The following WWOX variants were observed in gnomAD, a reference collection of about 807,000 sequenced individuals.
WWOX encodes the protein WW domain containing oxidoreductase, also known as WW domain-containing oxidoreductase.
A neutral mutation model predicts 46.2 loss-of-function variants in WWOX; 69 were observed. The observed-to-expected ratio is 1.49, with a 90% CI of 1.23 to 1.82. The LOEUF is 1.82. Among genes scored for constraint, WWOX ranks in the 40% most tolerant of loss-of-function variants. The pLI, the probability that WWOX is intolerant of heterozygous loss-of-function variation, is 0.00. For synonymous variants in WWOX, 359 were observed against 202.6 expected, an observed-to-expected ratio of 1.77 and a Z score of -6.56; for missense variants, 919 against 542.6, an observed-to-expected ratio of 1.69 and a Z score of -6.89.
In WWOX at chr16:79,129,043, C is replaced by G. The variant is rs549414574; in HGVS notation, c.1057-82565C>G. 5.0e-4 allele frequency among the ~76,000 whole-genome samples: 76 copies of G among 152,316 alleles called. 1 individual carries two copies. The highest frequency in any genetic ancestry group is 9.7e-4 in the Non-Finnish European group (66 of 68,018). On this transcript the variant is annotated intron_variant, in intron 8 of 8. Transcript: ENST00000566780. The stretch of plus-strand genomic sequence containing the variant: ...CAACAGTCCAAGTTCATTGTCCTGA[C>G]ACAGAACTCTGTTTCTTCTTTTATG...
chr16:78,877,515 A>G (rs987879057), intron 8 of WWOX, among the ~76,000 whole-genome samples: 1 of 152,030 alleles, frequency 6.6e-6, no homozygotes, highest in African/African-American at 2.4e-5. Context: ...TCACTATAAA[A>G]TGGCAGCCTG....
At chr16:79,034,656 T>A (rs1396576005) in intron 8 of WWOX, among the ~76,000 whole-genome samples, 2 of 152,188 alleles carry the variant, frequency 1.3e-5, no homozygotes, top group Non-Finnish European at 2.9e-5. Context: ...ACATCTTGAA[T>A]GCTTCTGTGT....
intron 8 of WWOX, among the ~76,000 whole-genome samples, chr16:78,435,007 A>T (rs540616326): frequency 4.1e-4 from 63 of 152,348 alleles, no homozygotes; most frequent in Admixed American, 2.6e-3. Context: ...TGCTTAATAA[A>T]GTCAGACTTG....
chr16:78,199,311 T>TCAAACAAA (rs35182566), intron 5 of WWOX, among the ~76,000 whole-genome samples: 20 of 150,674 alleles, frequency 1.3e-4, no homozygotes, highest in South Asian at 8.5e-4. Flanking sequence ...AGACTCCATC[T>TCAAACAAA]CAAACAAACA....
rs1428287142 is a variant in WWOX at position 78,524,428 on chromosome 16, ATTTG to A, written c.1056+91685_1056+91688del. Among the ~76,000 whole-genome samples, 987 of 148,174 alleles carry A rather than the reference ATTTG, an allele frequency of 6.7e-3. 16 individuals carry two copies. The highest frequency in any genetic ancestry group is 0.024 in the African/African-American group (952 of 39,490). On this transcript the variant is annotated intron_variant, in intron 8 of 8. Transcript: ENST00000566780. ...TATTTGTTTATTTATTTATTTATTTATTTGTTTGTTTGAGATGAGTCTTGCTCTT... is the reference window on the plus strand; with the variant it reads ...TATTTGTTTATTTATTTATTTATTTATTTGTTTGAGATGAGTCTTGCTCTT...
At chr16:78,967,266 C>G (rs1597216339) in intron 8 of WWOX, among the ~76,000 whole-genome samples, 1 of 144,094 alleles carries the variant, frequency 6.9e-6, no homozygotes, top group Non-Finnish European at 1.5e-5. Context: ...TGGGAGGCAA[C>G]TACTCCTGCC....
At chr16:78,152,749 C>T (rs759306290) in intron 4 of WWOX, among the ~76,000 whole-genome samples, 14 of 152,214 alleles carry the variant, frequency 9.2e-5, no homozygotes, top group Non-Finnish European at 1.8e-4. Flanking sequence ...TCTTGCCTCT[C>T]GAGAGATCTC....
At chr16:78,432,382 A>G in intron 7 of WWOX, 106 bp from the exon 8 acceptor site, 1 of 1,464,190 alleles carries the variant, frequency 6.8e-7, no homozygotes, top group Admixed American at 1.7e-5. Context: ...CTCGGATTAC[A>G]GATGTGAGCC....
At chr16:79,046,764 G>T (rs953600281) in intron 8 of WWOX, among the ~76,000 whole-genome samples, 5 of 152,138 alleles carry the variant, frequency 3.3e-5, no homozygotes, top group Admixed American at 1.3e-4. Context: ...CCAGGGCTGG[G>T]TGTGTGTGGG....
intron 6 of WWOX, among the ~76,000 whole-genome samples, chr16:78,395,811 C>G (rs917483493): frequency 2.0e-5 from 3 of 151,892 alleles, no homozygotes; most frequent in Non-Finnish European, 2.9e-5. Flanking sequence ...TTGATTTATG[C>G]TGATGGAAAG....
chr16:78,897,240 T>TAAAAAAAAAAAAAAAA (rs60048933), intron 8 of WWOX: 1 of 53,724 alleles, frequency 1.9e-5, no homozygotes, highest in African/African-American at 8.7e-5. Flanking sequence ...AGACTGTCTT[T>TAAAAAAAAAAAAAAAA]AAAAAAAAAA....
At chr16:78,674,405 C>T (rs537421009) in intron 8 of WWOX, among the ~76,000 whole-genome samples, 1 of 152,120 alleles carries the variant, frequency 6.6e-6, no homozygotes, top group South Asian at 2.1e-4. Context: ...CTGCCTCAGC[C>T]TCCTGAGTAG....
intron 4 of WWOX, among the ~76,000 whole-genome samples, chr16:78,156,556 A>G (rs1351615529): frequency 6.6e-6 from 1 of 152,158 alleles, no homozygotes; most frequent in African/African-American, 2.4e-5. Context: ...ATTGAATCCT[A>G]CTGGGTGCTA....
chr16:78,430,262 T>G (rs1026625767), intron 7 of WWOX, among the ~76,000 whole-genome samples: 1 of 152,154 alleles, frequency 6.6e-6, no homozygotes, highest in Admixed American at 6.6e-5. Flanking sequence ...CATGATTCAC[T>G]TATCTCCACC....
intron 5 of WWOX, among the ~76,000 whole-genome samples, chr16:78,332,603 G>A (rs1001518776): frequency 2.0e-5 from 3 of 152,190 alleles, no homozygotes; most frequent in Non-Finnish European, 4.4e-5. Context: ...AAGCGGGCAG[G>A]TAAACTGATT....
chr16:79,188,004 A>G (rs2090370186), intron 8 of WWOX, among the ~76,000 whole-genome samples: 1 of 152,196 alleles, frequency 6.6e-6, no homozygotes, highest in Admixed American at 6.5e-5. Flanking sequence ...CGGGGAGTCA[A>G]GCTGTGCTCT....
At chr16:78,888,167 G>C (rs1409612826) in intron 8 of WWOX, among the ~76,000 whole-genome samples, 2 of 152,184 alleles carry the variant, frequency 1.3e-5, no homozygotes, top group African/African-American at 4.8e-5. Context: ...TAAAAGGTGA[G>C]CTCCTTAAAG....
intron 8 of WWOX, among the ~76,000 whole-genome samples, chr16:78,554,689 G>A (rs1292692662): frequency 5.3e-5 from 8 of 152,064 alleles, no homozygotes; most frequent in Non-Finnish European, 1.0e-4. Flanking sequence ...AGTTGAATAG[G>A]ACCGTAGAGG....
chr16:79,031,225 C>T (rs920561225), intron 8 of WWOX, among the ~76,000 whole-genome samples: 2 of 152,088 alleles, frequency 1.3e-5, no homozygotes, highest in Admixed American at 1.3e-4. Flanking sequence ...GATGAGTGTC[C>T]CATCTGGGTT....
Sources: gnomAD v4.1 joint callset for allele counts (sites outside exome capture counted in the v4.1 genomes callset) on GRCh38, gnomAD v4.1.1 for gene constraint, MANE v1.5 for transcripts, NCBI Gene and HGNC (gene_info 2026-07-23, HGNC 2026-07-21) for gene names.